The following TCF4 variants were observed in gnomAD, a reference collection of about 807,000 sequenced individuals.
The protein encoded by TCF4 is SL3-3 enhancer factor 2.
In TCF4, 3 loss-of-function variants were observed where a neutral mutation model predicts 82.1. The ratio of observed to expected loss-of-function variants is 0.04; its 90% CI spans 0.02 to 0.09. The LOEUF (loss-of-function observed/expected upper bound fraction) is 0.09, where lower values mean the gene tolerates loss of function less well. Among genes scored for constraint, TCF4 ranks in the 10% least tolerant of loss-of-function variants. The pLI is 1.00. For missense variants in TCF4, 518 were observed against 852.7 expected, an observed-to-expected ratio of 0.61 and a Z score of 4.89; for synonymous variants, 276 against 309.6, an observed-to-expected ratio of 0.89 and a Z score of 1.14.
chr18:55,302,652 C>T, intron 8 of TCF4: 2 of 1,481,358 alleles, frequency 1.4e-6, no homozygotes, highest in Non-Finnish European at 1.8e-6. Context: ...CGCTGTGAGG[C>T]CTGTGGCTGG....
chr18:55,446,171 G>A (rs1455820070), intron 5 of TCF4, among the ~76,000 whole-genome samples: 3 of 152,120 alleles, frequency 2.0e-5, no homozygotes, highest in African/African-American at 7.2e-5. Flanking sequence ...GCTGTGTGAG[G>A]CTCAAGAGCC....
intron 8 of TCF4, among the ~76,000 whole-genome samples, chr18:55,279,878 G>A (rs2062196266): frequency 6.6e-6 from 1 of 152,284 alleles, no homozygotes. Context: ...ATAACCAGGT[G>A]TGTTATATTC....
At position 55,460,965 on chromosome 18, in the gene TCF4, T is replaced by A. The variant is rs993720711; in HGVS notation, c.304+54A>T. The A allele has an allele frequency of 6.8e-6, 10 of 1,478,182 alleles. No individual in the cohort carries two copies. The African/African-American group carries it at 1.4e-4, about 21-fold the overall frequency. 91.6% of individuals were successfully genotyped at this position (1,478,182 alleles called of 1,614,324 possible). A position where few individuals can be genotyped will look rare whatever the true frequency, so the allele number is the denominator to read the frequency against. On this transcript the variant is annotated intron_variant, in intron 5 of 19. Coordinates refer to ENST00000354452, the MANE Select transcript of TCF4 (RefSeq NM_001083962.2). Reference sequence around the variant, plus strand: ...CTGTCTAGGACATGGTTTTACCTTCTATAGTAAAACTTGAGCATTCAAAAA... The same window carrying A: ...CTGTCTAGGACATGGTTTTACCTTCAATAGTAAAACTTGAGCATTCAAAAA...
intron 3 of TCF4, among the ~76,000 whole-genome samples, chr18:55,536,595 CCCCAACAT>C (rs1344322693): frequency 6.6e-6 from 1 of 152,100 alleles, no homozygotes; most frequent in African/African-American, 2.4e-5. Flanking sequence ...TAGAATGTTG[CCCCAACAT>C]ATAAGACATA....
intron 5 of TCF4, among the ~76,000 whole-genome samples, chr18:55,414,937 C>G (rs1351429378): frequency 6.6e-6 from 1 of 152,216 alleles, no homozygotes; most frequent in African/African-American, 2.4e-5. Context: ...TAAATATACT[C>G]ATTTTCCTTG....
rs544619984 is a variant in TCF4 at position 55,443,061 on chromosome 18, G to C, written c.304+17958C>G. On this transcript the variant is annotated intron_variant, in intron 5 of 19. Coordinates refer to ENST00000354452, the MANE Select transcript of TCF4 (RefSeq NM_001083962.2). ...GCAAAGTGTGCTGATGACCCTGCTG[G>C]CTTGTCACCATTGTGACGTTTACTA... Among the ~76,000 whole-genome samples the C allele has an allele frequency of 2.3e-4, 35 of 152,330 alleles. 1 individual carries two copies. The highest frequency in any genetic ancestry group is 1.6e-3 in the Admixed American group (24 of 15,310).
At chr18:55,278,044 C>T (rs1464038513) in intron 9 of TCF4, among the ~76,000 whole-genome samples, 2 of 152,126 alleles carry the variant, frequency 1.3e-5, no homozygotes, top group African/African-American at 4.8e-5. Context: ...CTCTATTATG[C>T]GTGGAACAAA....
intron 2 of TCF4, among the ~76,000 whole-genome samples, chr18:55,617,970 A>G (rs1047826313): frequency 1.3e-5 from 2 of 152,054 alleles, no homozygotes; most frequent in Admixed American, 6.6e-5. Flanking sequence ...TTTGTCTAGA[A>G]CTTCCAGTAC....
At chr18:55,635,947 C>A (rs1444058612) in exon 1 of TCF4, 3 of 1,583,342 alleles carry the variant, frequency 1.9e-6, no homozygotes, top group South Asian at 1.1e-5. Context: ...AAAGGTGATA[C>A]TGTAGACATC....
intron 5 of TCF4, among the ~76,000 whole-genome samples, chr18:55,450,170 T>A (rs945750187): frequency 6.6e-6 from 1 of 152,144 alleles, no homozygotes; most frequent in African/African-American, 2.4e-5. Context: ...CTGACCACAG[T>A]GCTCTGCTAG....
At chr18:55,475,975 T>C (rs1182375674) in intron 3 of TCF4, among the ~76,000 whole-genome samples, 1 of 152,186 alleles carries the variant, frequency 6.6e-6, no homozygotes, top group Non-Finnish European at 1.5e-5. Context: ...ATGCAATGTA[T>C]AAAGGCAAGT....
chr18:55,515,697 T>C (rs940059559), intron 3 of TCF4, among the ~76,000 whole-genome samples: 2 of 151,696 alleles, frequency 1.3e-5, no homozygotes, highest in Non-Finnish European at 2.9e-5. Context: ...CTTCAGAGAG[T>C]GTTGTGGAAA....
At chr18:55,605,191 C>T (rs538348444) in intron 2 of TCF4, among the ~76,000 whole-genome samples, 3 of 152,146 alleles carry the variant, frequency 2.0e-5, no homozygotes, top group Non-Finnish European at 2.9e-5. Context: ...CTGGCATTAG[C>T]ACAGCATGTG....
Position 55,461,106 on chromosome 18 carries a change from C to T in TCF4, c.217G>A (p.Asp73Asn). The change falls in exon 5 of 20, where the codon GAT becomes AAT. Residue 73 changes from aspartate (D) to asparagine (N), a missense_variant. Asp to Asn is a conservative substitution (Grantham distance 23). This residue lies in a region of TCF4 where 80 missense variants were observed against 93.8 expected (regional missense o/e 0.85). Transcript: ENST00000354452. ...GTCATGTGGTCATAGGGAGTCCCAT[C>T]TCCATAGTTCTGTAAATAAAATGAC... The part of the protein sequence containing the change: ...GHPSPSRNYG[D>N]GTPYDHMTSR... 1 of 1,611,962 alleles carries T rather than the reference C, an allele frequency of 6.2e-7. No individual in the cohort carries two copies. The highest frequency in any genetic ancestry group is 8.5e-7 in the Non-Finnish European group (1 of 1,178,498).
chr18:55,603,272 C>G (rs1259252538), intron 2 of TCF4, among the ~76,000 whole-genome samples: 1 of 152,156 alleles, frequency 6.6e-6, no homozygotes, highest in East Asian at 1.9e-4. Flanking sequence ...AAAATGCTCC[C>G]AGATATTGCC....
At chr18:55,560,133 C>T (rs747196316) in intron 3 of TCF4, among the ~76,000 whole-genome samples, 1 of 152,166 alleles carries the variant, frequency 6.6e-6, no homozygotes, top group Non-Finnish European at 1.5e-5. Flanking sequence ...TGCAACCCAT[C>T]ACAGAGAAAA....
At chr18:55,332,324 A>G (rs1463668493) in intron 8 of TCF4, 1 of 152,130 alleles carries the variant, frequency 6.6e-6, no homozygotes, top group Non-Finnish European at 1.5e-5. Context: ...GTACAGAAAA[A>G]AAAAAACAGC....
At chr18:55,486,421 A>G (rs1033701560) in intron 3 of TCF4, among the ~76,000 whole-genome samples, 2 of 151,944 alleles carry the variant, frequency 1.3e-5, no homozygotes, top group Non-Finnish European at 1.5e-5. Context: ...GTGAAATTCC[A>G]TCTCTACTAA....
chr18:55,347,723 G>A lies in TCF4; in HGVS notation c.549+2636C>T, dbSNP rs536769501. ...CACAAATAATACCTGATGATGCAGT[G>A]TCACCGTTTAAGTTTTCTTCCTTTT... is the stretch of plus-strand genomic sequence containing the variant. On this transcript the variant is annotated intron_variant, in intron 8 of 19. Coordinates refer to ENST00000354452, the MANE Select transcript of TCF4 (RefSeq NM_001083962.2). Among the ~76,000 whole-genome samples the A allele has an allele frequency of 4.2e-4, 64 of 152,266 alleles. 2 individuals are homozygous for A. The South Asian group carries it at 0.012, about 30-fold the overall frequency.
Sources: allele counts gnomAD v4.1 joint callset (sites outside exome capture counted in the v4.1 genomes callset), GRCh38; gene constraint gnomAD v4.1.1; regional missense constraint gnomAD v4.1.1; transcripts MANE v1.5; gene names NCBI Gene and HGNC (gene_info 2026-07-23, HGNC 2026-07-21).